Variants in DOC2B observed in about 807,000 individuals in gnomAD.
DOC2B encodes the protein double C2-like domain-containing protein beta.
DOC2B carries 21 observed loss-of-function variants against 28.9 expected under a neutral mutation model. That is an observed-to-expected ratio of 0.73 (90% CI 0.52 to 1.05). The LOEUF (loss-of-function observed/expected upper bound fraction) is 1.05, where lower values mean the gene tolerates loss of function less well. DOC2B is among the 50% of genes least tolerant of loss of function. The probability of loss-of-function intolerance (pLI) is 0.00; values close to 1 mark genes in which losing one functional copy is unlikely to be tolerated. For missense variants in DOC2B, 384 were observed against 421.1 expected, an observed-to-expected ratio of 0.91 and a Z score of 0.77; for synonymous variants, 194 against 178.1, an observed-to-expected ratio of 1.09 and a Z score of -0.71.
chr17:158,969 G>C (rs376104872), intron 5 of DOC2B, among the ~76,000 whole-genome samples: 5 of 150,700 alleles, frequency 3.3e-5, no homozygotes, highest in Non-Finnish European at 1.5e-5. Context: ...ACTTGAACCC[G>C]GGAGGCGGAG....
chr17:164,439 G>A lies in DOC2B; in HGVS notation c.454-235C>T, dbSNP rs554601775. Among the ~76,000 whole-genome samples the A allele has an allele frequency of 7.9e-5, 12 of 152,258 alleles. No homozygotes were observed. In the South Asian group the frequency reaches 1.0e-3, roughly 13 times the overall value. On this transcript the variant is annotated intron_variant, in intron 2 of 8. Coordinates refer to ENST00000613549, the MANE Select transcript of DOC2B (RefSeq NM_003585.5). ...GCAGCTGTCATGGGGCCTCTGTCAG[G>A]ACAGACTTTCTCTTGTCCTCATCCT...
At chr17:150,459 G>A (rs1055902612) in intron 6 of DOC2B, among the ~76,000 whole-genome samples, 4 of 151,968 alleles carry the variant, frequency 2.6e-5, no homozygotes, top group Admixed American at 2.6e-4. Flanking sequence ...CCCATGTCCA[G>A]CTTATTCTGC....
intron 1 of DOC2B, among the ~76,000 whole-genome samples, chr17:176,391 T>TGGG (rs1330499759): frequency 0.011 from 865 of 75,976 alleles, 5 homozygotes; most frequent in African/African-American, 0.031. Context: ...GTGGTGTTGG[T>TGGG]GCGGGGGGTG....
chr17:149,024 C>T (rs1424238376), intron 7 of DOC2B, 87 bp downstream of exon 7: 4 of 398,340 alleles, frequency 1.0e-5, no homozygotes, highest in Admixed American at 4.4e-5. Context: ...CTCCCCATCC[C>T]GCCATGACCT....
intron 6 of DOC2B, among the ~76,000 whole-genome samples, chr17:154,145 G>A (rs545900284): frequency 1.1e-4 from 16 of 150,580 alleles, no homozygotes; most frequent in Admixed American, 6.6e-4. Flanking sequence ...GATATTCCAC[G>A]CACCTGCTAC....
chr17:148,946 T>C (rs2040044197), intron 7 of DOC2B, among the ~76,000 whole-genome samples, 165 bp downstream of exon 7: 1 of 151,702 alleles, frequency 6.6e-6, no homozygotes, highest in Admixed American at 6.6e-5. Flanking sequence ...CCAAGAGCTT[T>C]CCAGGGGTCC....
chr17:152,862 C>T (rs550294144), intron 6 of DOC2B, among the ~76,000 whole-genome samples: 17 of 152,324 alleles, frequency 1.1e-4, no homozygotes, highest in African/African-American at 3.8e-4. Flanking sequence ...CAGCATCAAC[C>T]GCTAGATACG....
At chr17:148,410 T>C in intron 7 of DOC2B, 141 bp from the exon 8 acceptor site, 1 of 396,860 alleles carries the variant, frequency 2.5e-6, no homozygotes, top group African/African-American at 2.1e-5. Context: ...TGCTCACATG[T>C]CTCGCCCACT....
chr17:157,114 G>A (rs1368981530), intron 5 of DOC2B, among the ~76,000 whole-genome samples: 2 of 152,206 alleles, frequency 1.3e-5, no homozygotes, highest in African/African-American at 2.4e-5. Flanking sequence ...GGCCCTTCAC[G>A]GGTCTGCAGC....
At position 162,133 on chromosome 17, in the gene DOC2B, T is replaced by C; in HGVS notation, c.586A>G (p.Thr196Ala). 6.4e-7 allele frequency: 1 copy of C among 1,551,808 alleles called. No individual in the cohort carries two copies. Among genetic ancestry groups the C allele is most frequent in the South Asian group, 1.2e-5 (1 of 84,046 alleles). Residue 196 changes from threonine (T) to alanine (A), a missense_variant, in exon 4 of 9, where the codon ACC (threonine) becomes GCC (alanine). By Grantham distance (58) the Thr-to-Ala change is moderately conservative. Coordinates refer to ENST00000613549, the MANE Select transcript of DOC2B (RefSeq NM_003585.5). The stretch of plus-strand genomic sequence containing the variant: ...TCTGTGATCCCGTAGTAAGTGAGGG[T>C]CTCGTTCCATGTGGGGTTCAGAGTG... ...RNTLNPTWNE[T>A]LTYYGITDED... is the part of the protein sequence containing the mutation.
intron 1 of DOC2B, among the ~76,000 whole-genome samples, chr17:175,581 C>T (rs917496068): frequency 1.3e-5 from 2 of 152,260 alleles, no homozygotes; most frequent in Non-Finnish European, 2.9e-5. Context: ...CATGCCTTGG[C>T]CACACCTGTG....
chr17:154,046 C>A (rs372775841), intron 6 of DOC2B, among the ~76,000 whole-genome samples: 1 of 152,184 alleles, frequency 6.6e-6, no homozygotes, highest in African/African-American at 2.4e-5. Context: ...AACACGTGGC[C>A]GTCTGTGTCT....
At chr17:179,750 G>A (rs547600806) in intron 1 of DOC2B, among the ~76,000 whole-genome samples, 1 of 148,142 alleles carries the variant, frequency 6.8e-6, no homozygotes, top group Non-Finnish European at 1.5e-5. Flanking sequence ...CAGGAAAGTG[G>A]AGGGACAAGA....
At chr17:162,959 G>C (rs1390458432) in intron 3 of DOC2B, among the ~76,000 whole-genome samples, 1 of 152,142 alleles carries the variant, frequency 6.6e-6, no homozygotes, top group Non-Finnish European at 1.5e-5. Flanking sequence ...TGTCTGAATC[G>C]GTCTGATGCC....
At chr17:178,118 C>A (rs2151477736) in intron 1 of DOC2B, among the ~76,000 whole-genome samples, 1 of 152,248 alleles carries the variant, frequency 6.6e-6, no homozygotes, top group East Asian at 1.9e-4. Context: ...CCTGGACCTG[C>A]AGCAGCCACC....
chr17:168,736 T>G (rs576394968), intron 2 of DOC2B, among the ~76,000 whole-genome samples: 1 of 152,054 alleles, frequency 6.6e-6, no homozygotes, highest in Admixed American at 6.6e-5. Flanking sequence ...AGTGAATACA[T>G]CTCACGAGAT....
At chr17:175,371 T>C (rs1228984937) in intron 1 of DOC2B, among the ~76,000 whole-genome samples, 2 of 152,192 alleles carry the variant, frequency 1.3e-5, no homozygotes, top group Non-Finnish European at 2.9e-5. Context: ...ACCAGGCAGG[T>C]GAGGCTGCTG....
chr17:180,410 C>A (rs1220345995), intron 1 of DOC2B, among the ~76,000 whole-genome samples: 1 of 151,906 alleles, frequency 6.6e-6, no homozygotes, highest in Admixed American at 6.5e-5. Flanking sequence ...GGCTGGGGGG[C>A]CCTCTCTGCC....
intron 1 of DOC2B, among the ~76,000 whole-genome samples, chr17:180,571 A>G (rs2040428761): frequency 6.6e-6 from 1 of 152,100 alleles, no homozygotes; most frequent in South Asian, 2.1e-4. Flanking sequence ...GCGCGCCAGC[A>G]AAGCAGCTGC....
Sources: allele counts gnomAD v4.1 joint callset (sites outside exome capture counted in the v4.1 genomes callset), GRCh38; gene constraint gnomAD v4.1.1; transcripts MANE v1.5; gene names NCBI Gene and HGNC (gene_info 2026-07-23, HGNC 2026-07-21).